The following PDE9A variants were observed in gnomAD, a reference collection of about 807,000 sequenced individuals.
The protein encoded by PDE9A is high affinity cGMP-specific 3',5'-cyclic phosphodiesterase 9A.
A neutral mutation model predicts 87.4 loss-of-function variants in PDE9A; 60 were observed. That is an observed-to-expected ratio of 0.69 (90% confidence interval 0.56 to 0.85). The LOEUF is 0.85. Among genes scored for constraint, PDE9A ranks in the 40% least tolerant of loss-of-function variants. The probability of loss-of-function intolerance (pLI) is 0.00; values close to 1 mark genes in which losing one functional copy is unlikely to be tolerated. For missense variants in PDE9A, 665 were observed against 779.0 expected, an observed-to-expected ratio of 0.85 and a Z score of 1.74; for synonymous variants, 272 against 279.4, an observed-to-expected ratio of 0.97 and a Z score of 0.27.
Position 42,731,786 on chromosome 21 carries a change from G to A in PDE9A, c.279G>A (p.Lys93=), listed in dbSNP as rs771553735. ...TTTTTATAGCTGGTGTCGAGGACAA[G>A]AGAACCACAAGCCGTGGCCAGTCTG... is the stretch of plus-strand genomic sequence containing the variant. ...IKQLSAGVED[K]RTTSRGQSAE... Residue 93 remains lysine (K), a synonymous_variant, in exon 5 of 20, where the codon AAG becomes AAA. Transcript: ENST00000291539. 6.2e-7 allele frequency: 1 copy of A among 1,613,408 alleles called. No individual in the cohort carries two copies.
chr21:42,748,307 T>G (rs930659409), intron 8 of PDE9A, among the ~76,000 whole-genome samples: 1 of 152,226 alleles, frequency 6.6e-6, no homozygotes, highest in Non-Finnish European at 1.5e-5. Flanking sequence ...ATCATTTGAT[T>G]GGTGCATTTT....
chr21:42,747,082 G>A (rs930961830), intron 8 of PDE9A, among the ~76,000 whole-genome samples: 3 of 152,196 alleles, frequency 2.0e-5, no homozygotes, highest in African/African-American at 7.2e-5. Context: ...CCCCAGCCGC[G>A]TCATGTGCCC....
At chr21:42,717,900 G>GGGTTGTTTGTTT (rs61523493) in intron 4 of PDE9A, among the ~76,000 whole-genome samples, 1 of 150,790 alleles carries the variant, frequency 6.6e-6, no homozygotes, top group East Asian at 1.9e-4. Context: ...CTTTCTTTGG[G>GGGTTGTTTGTTT]GTTTGTTTGT....
In PDE9A at chr21:42,722,062, G is replaced by A. The variant is rs1286627598; in HGVS notation, c.263-9708G>A. ...ACAATCTCAGCTCACTGCAACCTCC[G>A]ACTCCCTGGTTCAAGTGATTCTCCT... On this transcript the variant is annotated intron_variant, in intron 4 of 19. Transcript: ENST00000291539. The surrounding 1 kb of genome is among the most constrained non-coding windows in gnomAD (Gnocchi z 4.1). Among the ~76,000 whole-genome samples, 3 of 151,304 alleles carry A rather than the reference G, an allele frequency of 2.0e-5. No individual in the cohort carries two copies. The highest frequency in any genetic ancestry group is 4.4e-5 in the Non-Finnish European group (3 of 67,926).
chr21:42,759,167 G>C lies in PDE9A; in HGVS notation c.897+82G>C. On this transcript the variant is annotated intron_variant, in intron 11 of 19. Transcript: ENST00000291539. This position sits in a 1 kb window ranked among gnomAD's most constrained non-coding sequence, Gnocchi z 7.2. ...CAGGAATGGAGGGAATGGATCACCA[G>C]GGCACCTTCCGGATGGCACTGCGCT... The C allele has an allele frequency of 9.7e-7, 1 of 1,029,586 alleles. No homozygotes were observed. Among genetic ancestry groups the C allele is most frequent in the Non-Finnish European group, 1.5e-6 (1 of 660,584 alleles). The allele number at this position is 1,029,586 out of a possible 1,614,324, so 63.8% of individuals were successfully genotyped here.
At chr21:42,669,087 CCT>C (rs2058235429) in intron 1 of PDE9A, among the ~76,000 whole-genome samples, 1 of 152,172 alleles carries the variant, frequency 6.6e-6, no homozygotes, top group Admixed American at 6.5e-5. Context: ...AGATTCCACC[CCT>C]CTTAGAACAG....
intron 1 of PDE9A, among the ~76,000 whole-genome samples, chr21:42,667,363 A>G (rs1228323228): frequency 6.6e-6 from 1 of 152,192 alleles, no homozygotes; most frequent in Admixed American, 6.5e-5. Flanking sequence ...ACGTGGCCAC[A>G]GTTCTTAAAC....
chr21:42,685,430 GCCTCAGTC>G (rs758952032), intron 1 of PDE9A, among the ~76,000 whole-genome samples: 3 of 150,080 alleles, frequency 2.0e-5, no homozygotes, highest in Non-Finnish European at 4.4e-5. Flanking sequence ...TCGTCATTCA[GCCTCAGTC>G]CCTCAGTCCC....
At chr21:42,755,052 C>G (rs186611015) in intron 10 of PDE9A, among the ~76,000 whole-genome samples, 4 of 152,166 alleles carry the variant, frequency 2.6e-5, no homozygotes, top group African/African-American at 9.6e-5. Context: ...GCTAATAGAC[C>G]CCCTCTTTTC....
In PDE9A at chr21:42,656,575, C is replaced by G. The variant is rs145109876; in HGVS notation, c.69+2692C>G. 1.8e-3 allele frequency among the ~76,000 whole-genome samples: 245 copies of G among 139,742 alleles called. 1 individual carries two copies. The highest frequency in any genetic ancestry group is 3.3e-3 in the Non-Finnish European group (215 of 65,440). The allele number at this position is 139,742 out of a possible 152,430, so 91.7% of individuals were successfully genotyped here. On this transcript the variant is annotated intron_variant, in intron 1 of 19. Transcript: ENST00000291539. Reference sequence around the variant, plus strand: ...CATGCCCAGTGATTCAGAGGAGCCGCTGCAGCCACTTGGCGCCAGGCCAAT... The same window carrying G: ...CATGCCCAGTGATTCAGAGGAGCCGGTGCAGCCACTTGGCGCCAGGCCAAT...
At chr21:42,664,832 G>A (rs1483310066) in intron 1 of PDE9A, among the ~76,000 whole-genome samples, 2 of 152,184 alleles carry the variant, frequency 1.3e-5, no homozygotes, top group Non-Finnish European at 2.9e-5. Flanking sequence ...CTCGACTTCC[G>A]CCCGCCTGCA....
At position 42,659,625 on chromosome 21, in the gene PDE9A, G is replaced by A. The variant is rs1016506670; in HGVS notation, c.69+5742G>A. On this transcript the variant is annotated intron_variant, in intron 1 of 19. Transcript: ENST00000291539. This position sits in a 1 kb window ranked among gnomAD's most constrained non-coding sequence, Gnocchi z 4.1. ...TCTCTCATCCTGGACCCATCAGCCC[G>A]GAAGACTCTGGAAGCAGCAGTGGCA... is the stretch of plus-strand genomic sequence containing the variant. 5.3e-5 allele frequency among the ~76,000 whole-genome samples: 8 copies of A among 152,210 alleles called. No individual in the cohort carries two copies. Among genetic ancestry groups the A allele is most frequent in the African/African-American group, 1.4e-4 (6 of 41,450 alleles).
At position 42,756,127 on chromosome 21, in the gene PDE9A, C is replaced by G. The variant is rs551751271; in HGVS notation, c.810+2063C>G. 4.5e-4 allele frequency among the ~76,000 whole-genome samples: 68 copies of G among 152,386 alleles called. 1 individual carries two copies. The highest frequency in any genetic ancestry group is 7.9e-4 in the Non-Finnish European group (54 of 68,034). On this transcript the variant is annotated intron_variant, in intron 10 of 19. Transcript: ENST00000291539. ...GGACTCAGCCTCTGGGTGGCATCTC[C>G]CACGGCCCGTGGCTCCTGCCCAGCA... is the stretch of plus-strand genomic sequence containing the variant.
chr21:42,752,048 A>C (rs1602464668), intron 9 of PDE9A, among the ~76,000 whole-genome samples: 1 of 151,638 alleles, frequency 6.6e-6, no homozygotes, highest in East Asian at 2.0e-4. Flanking sequence ...GGCCCACCTG[A>C]TTTGTAATGT....
chr21:42,670,137 G>A (rs1472286289), intron 1 of PDE9A, among the ~76,000 whole-genome samples: 1 of 149,468 alleles, frequency 6.7e-6, no homozygotes, highest in Non-Finnish European at 1.5e-5. Context: ...GCTCACACAT[G>A]CTTACACACA....
At chr21:42,712,080 C>T (rs2049397078) in intron 4 of PDE9A, among the ~76,000 whole-genome samples, 1 of 149,356 alleles carries the variant, frequency 6.7e-6, no homozygotes, top group Admixed American at 6.7e-5. Context: ...AAAAAAAAAG[C>T]CATCTATGAC....
At chr21:42,771,793 G>A (rs1313434842) in intron 18 of PDE9A, among the ~76,000 whole-genome samples, 1 of 152,350 alleles carries the variant, frequency 6.6e-6, no homozygotes, top group East Asian at 1.9e-4. Context: ...CATGGTAGGC[G>A]CTCAGCAATT....
At chr21:42,726,012 G>A (rs1245366046) in intron 4 of PDE9A, among the ~76,000 whole-genome samples, 2 of 152,152 alleles carry the variant, frequency 1.3e-5, no homozygotes, top group South Asian at 4.1e-4. Flanking sequence ...CAGCCATTTT[G>A]ATAGGTGTGC....
In PDE9A at chr21:42,768,169, C is replaced by T. The variant is rs761302571; in HGVS notation, c.1357-19C>T. 6.6e-7 allele frequency: 1 copy of T among 1,510,320 alleles called. No homozygotes were observed. The highest frequency in any genetic ancestry group is 9.2e-7 in the Non-Finnish European group (1 of 1,085,394). 93.6% of individuals were successfully genotyped at this position (1,510,320 alleles called of 1,614,324 possible). Reference sequence around the variant, plus strand: ...TGTTCTACCTCCTGTTACCTCAATTCCAAAATCTCTTCTTTCAGCTGAAGA... The same window carrying T: ...TGTTCTACCTCCTGTTACCTCAATTTCAAAATCTCTTCTTTCAGCTGAAGA... On this transcript the variant is annotated intron_variant, in intron 15 of 19. Transcript: ENST00000291539.
Sources: gnomAD v4.1 joint callset for allele counts (sites outside exome capture counted in the v4.1 genomes callset) on GRCh38, gnomAD v4.1.1 for gene constraint, Gnocchi (gnomAD v3.1) non-coding constraint, MANE v1.5 for transcripts, NCBI Gene and HGNC (gene_info 2026-07-23, HGNC 2026-07-21) for gene names.